MEGF6: variants seen among roughly 807,000 people sequenced by gnomAD.
The protein encoded by MEGF6 is multiple EGF like domains 6.
MEGF6 carries 184 observed loss-of-function variants against 207.1 expected under a neutral mutation model. The observed-to-expected ratio is 0.89, with a 90% CI of 0.79 to 1.00. The LOEUF (loss-of-function observed/expected upper bound fraction) is 1.00, where lower values mean the gene tolerates loss of function less well. Ranked by LOEUF, MEGF6 falls within the 50% of genes least tolerant of loss-of-function variation. The pLI, the probability that MEGF6 is intolerant of heterozygous loss-of-function variation, is 0.00. For synonymous variants in MEGF6, 1,038 were observed against 910.0 expected (o/e 1.14, Z -2.53); for missense variants, 2,282 against 2,202.9 (o/e 1.04, Z -0.72).
intron 2 of MEGF6, 61 bp from the exon 3 acceptor site, chr1:3,595,508 A>C: frequency 1.4e-6 from 2 of 1,398,774 alleles, no homozygotes; most frequent in Non-Finnish European, 2.0e-6. Flanking sequence ...TTCGGCTCTC[A>C]CTGCACCCCT....
Position 3,505,433 on chromosome 1 carries a change from C to T in MEGF6, c.2042G>A (p.Arg681His), listed in dbSNP as rs375445762. The change falls in exon 16 of 37, where the codon CGC becomes CAC. Residue 681 changes from arginine to histidine, a missense_variant. Coordinates refer to ENST00000356575, the MANE Select transcript of MEGF6 (RefSeq NM_001409.4). ...CSCKAGFRGE[R>H]CQAECELGYF... ...ATGCCTGGACTCACCTGCCTGACAG[C>T]GCTCGCCCCGGAAGCCAGCCTTGCA... The T allele has an allele frequency of 5.6e-5, 90 of 1,609,074 alleles. No homozygotes were observed. The highest frequency in any genetic ancestry group is 3.8e-4 in the East Asian group (17 of 44,816).
intron 4 of MEGF6, among the ~76,000 whole-genome samples, chr1:3,566,577 G>A (rs754917984): frequency 2.6e-5 from 4 of 152,190 alleles, no homozygotes; most frequent in Admixed American, 1.3e-4. Flanking sequence ...TCTGGGCAGC[G>A]TCACAGGCAG....
intron 13 of MEGF6, among the ~76,000 whole-genome samples, chr1:3,508,352 G>T (rs902324492): frequency 4.6e-5 from 7 of 152,250 alleles, no homozygotes; most frequent in Non-Finnish European, 8.8e-5. Flanking sequence ...AATCCTTACT[G>T]CCTGGAACAG....
intron 4 of MEGF6, among the ~76,000 whole-genome samples, chr1:3,578,229 C>G (rs926559029): frequency 6.6e-6 from 1 of 152,234 alleles, no homozygotes; most frequent in South Asian, 2.1e-4. Flanking sequence ...GTCCCGGAAA[C>G]CTCCCCAGCC....
rs553612332 is a variant in MEGF6, at chr1:3,552,568, G to A, written c.481+27257C>T. Among the ~76,000 whole-genome samples, 205 of 152,342 alleles carry A rather than the reference G, an allele frequency of 1.3e-3. 1 individual carries two copies. Among genetic ancestry groups the A allele is most frequent in the African/African-American group, 4.6e-3 (193 of 41,590 alleles). Reference sequence around the variant, plus strand: ...AAATTAGCTAGGTGTGGTGGCGCACGCCTGTCATCCCAGCTACTCGGAGGC... The same window carrying A: ...AAATTAGCTAGGTGTGGTGGCGCACACCTGTCATCCCAGCTACTCGGAGGC... On this transcript the variant is annotated intron_variant, in intron 4 of 36. Coordinates refer to ENST00000356575, the MANE Select transcript of MEGF6 (RefSeq NM_001409.4).
At chr1:3,492,063 T>C (rs942666699) in intron 35 of MEGF6, among the ~76,000 whole-genome samples, 2 of 151,742 alleles carry the variant, frequency 1.3e-5, no homozygotes, top group East Asian at 1.9e-4. Context: ...GCCTGCTGCC[T>C]GTGCAGGACT....
At chr1:3,544,811 G>C (rs758513246) in intron 4 of MEGF6, among the ~76,000 whole-genome samples, 4 of 152,240 alleles carry the variant, frequency 2.6e-5, no homozygotes, top group Non-Finnish European at 4.4e-5. Flanking sequence ...CAACTGGGGA[G>C]ACAAGCGGGC....
chr1:3,507,849 C>G lies in MEGF6; in HGVS notation c.1735G>C (p.Val579Leu). ...SCQNGGTCDS[V>L]TGACRCPPGV... is the part of the protein sequence containing the mutation. ...GGGGGGCAGCGGCAGGCCCCCGTGA[C>G]AGAGTCGCAGGTCCCACCATTCTGA... The change falls in exon 14 of 37, where the codon GTC becomes CTC. Residue 579 changes from valine (V) to leucine (L), a missense_variant. Coordinates refer to ENST00000356575, the MANE Select transcript of MEGF6 (RefSeq NM_001409.4). 6.2e-7 allele frequency: 1 copy of G among 1,612,834 alleles called. No individual in the cohort carries two copies. The highest frequency in any genetic ancestry group is 1.1e-5 in the South Asian group (1 of 91,078).
At chr1:3,510,728 A>G in intron 10 of MEGF6, 55 bp downstream of exon 10, 1 of 1,550,848 alleles carries the variant, frequency 6.4e-7, no homozygotes. Flanking sequence ...GTCCTTCCTT[A>G]GGGCAGCCCT....
Position 3,508,665 on chromosome 1 carries a change from T to C in MEGF6, c.1553A>G (p.His518Arg). The change falls in exon 13 of 37, where the codon CAT becomes CGT. Residue 518 changes from histidine to arginine, a missense_variant. His to Arg is a conservative substitution (Grantham distance 29, BLOSUM62 0). Coordinates refer to ENST00000356575, the MANE Select transcript of MEGF6 (RefSeq NM_001409.4). ...KFVCLDDSFGHDCSLTCDDCR... is the reference protein window; with the variant it reads ...KFVCLDDSFGRDCSLTCDDCR... ...GTCATCACAGGTCAAGCTGCAGTCA[T>C]GGCCAAAGGAGTCATCCAGGCAGAC... The C allele has an allele frequency of 6.2e-7, 1 of 1,613,398 alleles. No individual in the cohort carries two copies. Among genetic ancestry groups the C allele is most frequent in the Non-Finnish European group, 8.5e-7 (1 of 1,179,954 alleles).
intron 1 of MEGF6, among the ~76,000 whole-genome samples, chr1:3,604,492 T>C (rs1461923224): frequency 1.3e-5 from 2 of 152,142 alleles, no homozygotes; most frequent in Non-Finnish European, 2.9e-5. Context: ...CCAGGGCAGG[T>C]GGAAAGGCTC....
intron 2 of MEGF6, among the ~76,000 whole-genome samples, chr1:3,601,720 T>G (rs1644162232): frequency 6.6e-6 from 1 of 152,228 alleles, no homozygotes; most frequent in Non-Finnish European, 1.5e-5. Flanking sequence ...TCCTCTACTC[T>G]GAACACATCT....
chr1:3,605,352 C>A (rs12743246), intron 1 of MEGF6, among the ~76,000 whole-genome samples: 1 of 112,874 alleles, frequency 8.9e-6, no homozygotes, highest in Non-Finnish European at 2.3e-5. Context: ...CATACACTCA[C>A]GCACGTTCAC....
chr1:3,578,329 C>T lies in MEGF6; in HGVS notation c.481+1496G>A, dbSNP rs889377709. 3.9e-5 allele frequency among the ~76,000 whole-genome samples: 6 copies of T among 152,232 alleles called. No homozygotes were observed. In the South Asian group the frequency reaches 8.3e-4, roughly 21 times the overall value. On this transcript the variant is annotated intron_variant, in intron 4 of 36. Transcript: ENST00000356575. ...TAGACAAATGAGACGGAAAGGCCCT[C>T]GGGACATTTCTCAACTCCCACCTGT...
chr1:3,587,793 G>C (rs1000579876), intron 3 of MEGF6, among the ~76,000 whole-genome samples: 12 of 151,970 alleles, frequency 7.9e-5, no homozygotes, highest in Non-Finnish European at 5.9e-5. Flanking sequence ...TGGATTTCCT[G>C]AGAATGTGTT....
intron 4 of MEGF6, among the ~76,000 whole-genome samples, chr1:3,557,466 C>G (rs1334408385): frequency 1.3e-5 from 2 of 152,220 alleles, no homozygotes; most frequent in East Asian, 3.9e-4. Flanking sequence ...GGAGGAGCCA[C>G]TGTCTAAGCA....
At chr1:3,621,667 G>T in the MEGF6 span, among the ~76,000 whole-genome samples, 2 of 152,186 alleles carry the variant, frequency 1.3e-5, no homozygotes, top group African/African-American at 4.8e-5. Context: ...GGAGCTACGA[G>T]AAGGGGGACA....
upstream of MEGF6, among the ~76,000 whole-genome samples, chr1:3,615,465 C>T (rs1644369941): frequency 6.6e-6 from 1 of 152,224 alleles, no homozygotes; most frequent in South Asian, 2.1e-4. Context: ...CAGGCCTCAG[C>T]TCCCAGACCA....
intron 17 of MEGF6, among the ~76,000 whole-genome samples, chr1:3,503,542 A>G (rs990514890): frequency 6.6e-6 from 1 of 151,842 alleles, no homozygotes; most frequent in Non-Finnish European, 1.5e-5. Flanking sequence ...GGAGTGGTGG[A>G]GGTGCTTCTC....
Sources: gnomAD v4.1 joint callset for allele counts (sites outside exome capture counted in the v4.1 genomes callset) on GRCh38, gnomAD v4.1.1 for gene constraint, MANE v1.5 for transcripts, NCBI Gene and HGNC (gene_info 2026-07-23, HGNC 2026-07-21) for gene names.